Variants in MCTP1 observed in about 807,000 individuals in gnomAD.
The protein encoded by MCTP1 is multiple C2 and transmembrane domain containing 1.
MCTP1 carries 69 observed loss-of-function variants against 120.6 expected under a neutral mutation model. That is an observed-to-expected ratio of 0.57 (90% CI 0.47 to 0.70). The LOEUF (loss-of-function observed/expected upper bound fraction) is 0.70. MCTP1 is among the 30% of genes least tolerant of loss of function. The pLI is 0.00. For synonymous variants in MCTP1, 529 were observed against 493.1 expected, an observed-to-expected ratio of 1.07 and a Z score of -0.96; for missense variants, 1,203 against 1,248.8, an observed-to-expected ratio of 0.96 and a Z score of 0.55.
At chr5:94,729,111 A>G (rs898382966) in intron 19 of MCTP1, among the ~76,000 whole-genome samples, 1 of 152,242 alleles carries the variant, frequency 6.6e-6, no homozygotes, top group African/African-American at 2.4e-5. Context: ...TGCTCTAATG[A>G]TAAAACTCTG....
chr5:95,196,367 A>C (rs369595326), intron 1 of MCTP1, among the ~76,000 whole-genome samples: 2 of 152,204 alleles, frequency 1.3e-5, no homozygotes, highest in African/African-American at 2.4e-5. Context: ...ATTTACAGAA[A>C]AGGAAACTGA....
chr5:95,178,516 C>T (rs1748265525), intron 1 of MCTP1, among the ~76,000 whole-genome samples: 2 of 152,162 alleles, frequency 1.3e-5, no homozygotes, highest in South Asian at 2.1e-4. Context: ...GCAGACATTC[C>T]TTAGTACCAG....
chr5:95,010,987 G>A (rs1424744708), intron 2 of MCTP1, among the ~76,000 whole-genome samples: 3 of 152,106 alleles, frequency 2.0e-5, no homozygotes, highest in Non-Finnish European at 4.4e-5. Flanking sequence ...TTTGCACTTT[G>A]ACAAGAATGC....
chr5:94,911,476 C>T (rs562380417), intron 9 of MCTP1, among the ~76,000 whole-genome samples: 1 of 152,242 alleles, frequency 6.6e-6, no homozygotes, highest in Admixed American at 6.5e-5. Flanking sequence ...AATGCATTCT[C>T]ACAACATCTG....
chr5:94,746,373 CATT>C (rs1304546426), intron 19 of MCTP1, among the ~76,000 whole-genome samples: 1 of 152,182 alleles, frequency 6.6e-6, no homozygotes, highest in Non-Finnish European at 1.5e-5. Context: ...ATGTTTGACT[CATT>C]TTCTCCTATC....
At chr5:95,235,044 G>C (rs1230835617) in intron 1 of MCTP1, among the ~76,000 whole-genome samples, 1 of 151,816 alleles carries the variant, frequency 6.6e-6, no homozygotes, top group Non-Finnish European at 1.5e-5. Flanking sequence ...GACCAATATA[G>C]CTCATGAGCA....
At chr5:94,990,599 CT>C (rs1831350833) in intron 2 of MCTP1, among the ~76,000 whole-genome samples, 1 of 152,162 alleles carries the variant, frequency 6.6e-6, no homozygotes. Context: ...GATCATCTCC[CT>C]TTTGATTAAC....
chr5:94,873,271 G>A (rs1250762193), intron 12 of MCTP1, 30 bp from the exon 13 acceptor site: 3 of 1,280,726 alleles, frequency 2.3e-6, no homozygotes, highest in Non-Finnish European at 3.4e-6. Context: ...AATATTTTTA[G>A]TGTACATAGC....
intron 18 of MCTP1, among the ~76,000 whole-genome samples, chr5:94,781,372 A>G (rs1337908976): frequency 6.6e-6 from 1 of 152,078 alleles, no homozygotes; most frequent in East Asian, 1.9e-4. Context: ...GTGTTCAAGA[A>G]ATATTTGTTG....
At chr5:94,983,824 G>A (rs1336012937) in intron 2 of MCTP1, among the ~76,000 whole-genome samples, 1 of 152,166 alleles carries the variant, frequency 6.6e-6, no homozygotes, top group Non-Finnish European at 1.5e-5. Context: ...TTGCAAGGAT[G>A]GCTGATAAAT....
intron 12 of MCTP1, among the ~76,000 whole-genome samples, chr5:94,883,455 A>G (rs1013296343): frequency 6.6e-6 from 1 of 152,186 alleles, no homozygotes; most frequent in Non-Finnish European, 1.5e-5. Flanking sequence ...TTCAAGCAAT[A>G]TAATTTTCAG....
chr5:95,137,413 C>T (rs1435198634), intron 1 of MCTP1, among the ~76,000 whole-genome samples: 1 of 152,216 alleles, frequency 6.6e-6, no homozygotes, highest in Non-Finnish European at 1.5e-5. Context: ...ACACTTTGTA[C>T]CATGCCTAGC....
At chr5:95,023,052 C>G (rs544439594) in intron 1 of MCTP1, among the ~76,000 whole-genome samples, 3 of 152,020 alleles carry the variant, frequency 2.0e-5, no homozygotes, top group African/African-American at 7.2e-5. Flanking sequence ...CATCAAAAAG[C>G]GCATCACTAG....
intron 10 of MCTP1, among the ~76,000 whole-genome samples, chr5:94,898,126 T>G (rs1463062041): frequency 2.0e-5 from 3 of 152,218 alleles, no homozygotes; most frequent in African/African-American, 7.2e-5. Context: ...GGTGTACTCA[T>G]AGAAATAGTT....
chr5:95,143,030 G>C lies in MCTP1; in HGVS notation c.721-125546C>G, dbSNP rs530239572. Among the ~76,000 whole-genome samples the C allele has an allele frequency of 2.2e-4, 33 of 152,126 alleles. No individual in the cohort carries two copies. The South Asian group carries it at 3.7e-3, about 17-fold the overall frequency. The stretch of plus-strand genomic sequence containing the variant: ...AATTAAAATTCTAAAAGGAAAGACA[G>C]AATGGCCAAAAAGCAACAAGAATAT... On this transcript the variant is annotated intron_variant, in intron 1 of 22. Coordinates refer to ENST00000515393, the MANE Select transcript of MCTP1 (RefSeq NM_024717.7).
chr5:94,755,075 G>A lies in MCTP1; in HGVS notation c.2610+24035C>T, dbSNP rs6865694. ...TTTGTCCATTTGGCTCATGCTGACT[G>A]GCTGTCACAGTCCTCCCAGTCCTCC... On this transcript the variant is annotated intron_variant, in intron 19 of 22. Coordinates refer to ENST00000515393, the MANE Select transcript of MCTP1 (RefSeq NM_024717.7). 9.8e-3 allele frequency among the ~76,000 whole-genome samples: 1,485 copies of A among 152,246 alleles called. 27 individuals are homozygous for A. The highest frequency in any genetic ancestry group is 0.034 in the African/African-American group (1,400 of 41,546).
At chr5:95,226,018 AG>A (rs1754222122) in intron 1 of MCTP1, among the ~76,000 whole-genome samples, 1 of 152,152 alleles carries the variant, frequency 6.6e-6, no homozygotes, top group African/African-American at 2.4e-5. Flanking sequence ...AAATTTCCAC[AG>A]GTGTTGGGGG....
intron 19 of MCTP1, among the ~76,000 whole-genome samples, chr5:94,752,414 C>T (rs1314955248): frequency 2.0e-5 from 3 of 151,810 alleles, no homozygotes; most frequent in African/African-American, 7.3e-5. Context: ...TAAGTATGCC[C>T]CTTGTACATA....
intron 1 of MCTP1, among the ~76,000 whole-genome samples, chr5:95,212,800 A>G (rs1347861287): frequency 1.3e-5 from 2 of 152,214 alleles, no homozygotes; most frequent in Non-Finnish European, 2.9e-5. Flanking sequence ...AAGGCCTTTG[A>G]AAAAATTCAA....
Sources: allele counts gnomAD v4.1 joint callset (sites outside exome capture counted in the v4.1 genomes callset), GRCh38; gene constraint gnomAD v4.1.1; transcripts MANE v1.5; gene names NCBI Gene and HGNC (gene_info 2026-07-23, HGNC 2026-07-21).